The following IQCM variants were observed in gnomAD, a reference collection of about 807,000 sequenced individuals.
IQCM encodes the protein IQ motif containing M, also known as IQ domain-containing protein M.
A neutral mutation model predicts 57.6 loss-of-function variants in IQCM; 45 were observed. The ratio of observed to expected loss-of-function variants is 0.78; its 90% CI spans 0.62 to 1.00. The LOEUF is 1.00. Among genes scored for constraint, IQCM ranks in the 50% least tolerant of loss-of-function variants. IQCM has a pLI of 0.00. For synonymous variants in IQCM, 148 were observed against 158.9 expected (o/e 0.93, Z 0.51); for missense variants, 468 against 511.6 (o/e 0.91, Z 0.82).
At chr4:149,633,473 A>T (rs1229011514) in intron 7 of IQCM, among the ~76,000 whole-genome samples, 1 of 152,178 alleles carries the variant, frequency 6.6e-6, no homozygotes, top group African/African-American at 2.4e-5. Context: ...AGCCACATGG[A>T]TTCTGTTTCC....
intron 2 of IQCM, among the ~76,000 whole-genome samples, chr4:149,794,351 C>T (rs1772917032): frequency 6.6e-6 from 1 of 152,186 alleles, no homozygotes; most frequent in South Asian, 2.1e-4. Context: ...TGAAGTGCTA[C>T]ACTCCAAAGA....
intron 8 of IQCM, among the ~76,000 whole-genome samples, chr4:149,590,265 T>C (rs1753018840): frequency 6.7e-6 from 1 of 149,322 alleles, no homozygotes. Context: ...TTTTTTTTTT[T>C]TTTTGCTTTC....
chr4:149,676,410 T>G (rs1561142603), intron 7 of IQCM, among the ~76,000 whole-genome samples: 2 of 152,110 alleles, frequency 1.3e-5, no homozygotes, highest in East Asian at 3.9e-4. Flanking sequence ...TAGTATATTA[T>G]GCATTAAAAT....
At position 149,695,490 on chromosome 4, in the gene IQCM, G is replaced by A. The variant is rs1042906575; in HGVS notation, c.386-9022C>T. ...GGAAGTAGAAGCAAGATTTCTTTGG[G>A]TTGAAGGAATAATGTTATTGAGGTA... On this transcript the variant is annotated intron_variant, in intron 5 of 13. Coordinates refer to ENST00000636793, the MANE Select transcript of IQCM (RefSeq NM_001363507.2). Among the ~76,000 whole-genome samples the A allele has an allele frequency of 2.0e-5, 3 of 152,146 alleles. No homozygotes were observed. In the South Asian group the frequency reaches 6.2e-4, roughly 32 times the overall value.
At chr4:149,486,782 C>G (rs752599449) in intron 12 of IQCM, among the ~76,000 whole-genome samples, 1 of 151,894 alleles carries the variant, frequency 6.6e-6, no homozygotes, top group Non-Finnish European at 1.5e-5. Context: ...AGAGCTCTTT[C>G]CTCAGGTTGT....
intron 2 of IQCM, among the ~76,000 whole-genome samples, chr4:149,810,472 C>CA (rs1774470051): frequency 6.6e-6 from 1 of 150,772 alleles, no homozygotes. Context: ...TTCTTTGAGA[C>CA]AGAGTCTTGC....
rs1765218834 is a variant in IQCM, at chr4:149,718,949, T to G, written c.385+14295A>C. 2.0e-5 allele frequency among the ~76,000 whole-genome samples: 3 copies of G among 152,202 alleles called. No individual in the cohort carries two copies. The South Asian group carries it at 6.2e-4, about 32-fold the overall frequency. ...AAAGACCTTTTTCCCAAATAAAACA[T>G]TTACAGGTTCTAGGAATTATCATCT... On this transcript the variant is annotated intron_variant, in intron 5 of 13. Transcript: ENST00000636793.
intron 2 of IQCM, among the ~76,000 whole-genome samples, chr4:149,773,474 T>C (rs1031104369): frequency 1.3e-5 from 2 of 152,190 alleles, no homozygotes; most frequent in African/African-American, 4.8e-5. Flanking sequence ...CTTAATCTTG[T>C]TTTAGAGAAA....
At chr4:149,381,053 A>G (rs1030099320) in intron 13 of IQCM, among the ~76,000 whole-genome samples, 2 of 152,114 alleles carry the variant, frequency 1.3e-5, no homozygotes, top group African/African-American at 2.4e-5. Flanking sequence ...TTCACATTTC[A>G]TCTTCTTCTC....
chr4:149,551,248 C>A lies in IQCM; in HGVS notation c.1093+1895G>T, dbSNP rs866374163. On this transcript the variant is annotated intron_variant, in intron 11 of 13. Transcript: ENST00000636793. ...TGCTTGCTGCTCCCTCTGCTTAGAA[C>A]CTTCTTCCCCCATAGTCCACCTGGC... Among the ~76,000 whole-genome samples, 19 of 152,302 alleles carry A rather than the reference C, an allele frequency of 1.2e-4. No homozygotes were observed. The Middle Eastern group carries it at 0.02, about 164-fold the overall frequency.
chr4:149,547,902 A>G (rs1748620753), intron 12 of IQCM, among the ~76,000 whole-genome samples: 1 of 152,200 alleles, frequency 6.6e-6, no homozygotes, highest in South Asian at 2.1e-4. Flanking sequence ...GTGACAATTT[A>G]CATCCCCTTA....
At chr4:149,443,710 AAAGGAAAGG>A (rs1736209462) in intron 12 of IQCM, among the ~76,000 whole-genome samples, 1 of 150,022 alleles carries the variant, frequency 6.7e-6, no homozygotes, top group African/African-American at 2.5e-5. Flanking sequence ...AAAGGAAAGG[AAAGGAAAGG>A]AAAGGAAAGG....
intron 12 of IQCM, among the ~76,000 whole-genome samples, chr4:149,547,303 A>T (rs1264639765): frequency 6.6e-6 from 1 of 152,208 alleles, no homozygotes; most frequent in Non-Finnish European, 1.5e-5. Flanking sequence ...ATGGACTGGT[A>T]TTCAGTCTTT....
chr4:149,644,394 A>G (rs1461902759), intron 7 of IQCM, among the ~76,000 whole-genome samples: 1 of 152,206 alleles, frequency 6.6e-6, no homozygotes. Context: ...GTGTTAAACT[A>G]TAAATCTTAG....
intron 12 of IQCM, among the ~76,000 whole-genome samples, chr4:149,492,493 C>T (rs1742200024): frequency 6.6e-6 from 1 of 152,122 alleles, no homozygotes; most frequent in African/African-American, 2.4e-5. Flanking sequence ...TCTTCCTCCT[C>T]TTATATTCTC....
chr4:149,518,794 G>A (rs1368112768), intron 12 of IQCM, among the ~76,000 whole-genome samples: 5 of 152,038 alleles, frequency 3.3e-5, no homozygotes, highest in Admixed American at 6.6e-5. Context: ...GAGAGAGAGA[G>A]AAATGTAAAA....
intron 2 of IQCM, among the ~76,000 whole-genome samples, chr4:149,747,353 G>A (rs908258879): frequency 1.3e-5 from 2 of 152,178 alleles, no homozygotes; most frequent in Non-Finnish European, 2.9e-5. Context: ...AGTCCCTTAT[G>A]TAAAATGCCA....
chr4:149,467,535 G>T (rs1041320677), intron 12 of IQCM, among the ~76,000 whole-genome samples: 6 of 152,168 alleles, frequency 3.9e-5, no homozygotes, highest in African/African-American at 1.4e-4. Flanking sequence ...ACTTCAGTTG[G>T]AAACATGACA....
intron 12 of IQCM, among the ~76,000 whole-genome samples, chr4:149,491,703 T>C (rs1464336002): frequency 6.6e-6 from 1 of 152,144 alleles, no homozygotes; most frequent in Non-Finnish European, 1.5e-5. Context: ...TTATGAATAA[T>C]GCTGTAATGA....
Sources: allele counts gnomAD v4.1 joint callset (sites outside exome capture counted in the v4.1 genomes callset), GRCh38; gene constraint gnomAD v4.1.1; transcripts MANE v1.5; gene names NCBI Gene and HGNC (gene_info 2026-07-23, HGNC 2026-07-21).